The following PLPP4 variants were observed in gnomAD, a reference collection of about 807,000 sequenced individuals.
PLPP4 encodes phospholipid phosphatase 4, also known as diacylglycerol pyrophosphate like 2.
In PLPP4, 20 loss-of-function variants were observed where a neutral mutation model predicts 32.2. The ratio of observed to expected loss-of-function variants is 0.62; its 90% CI spans 0.44 to 0.90. The LOEUF is 0.90. PLPP4 is among the 40% of genes least tolerant of loss of function. The pLI is 0.00. For missense variants in PLPP4, 257 were observed against 353.1 expected (o/e 0.73, Z 2.18); for synonymous variants, 127 against 133.0 (o/e 0.95, Z 0.31).
intron 1 of PLPP4, among the ~76,000 whole-genome samples, chr10:120,459,311 C>T (rs1847936496): frequency 6.6e-6 from 1 of 152,148 alleles, no homozygotes; most frequent in Non-Finnish European, 1.5e-5. Context: ...AACAGTGTGT[C>T]CAACTTGTGG....
chr10:120,538,598 C>A (rs1460275198), intron 5 of PLPP4, among the ~76,000 whole-genome samples: 1 of 152,072 alleles, frequency 6.6e-6, no homozygotes, highest in African/African-American at 2.4e-5. Flanking sequence ...TGAGAGAAAA[C>A]CCAGGCCCTT....
intron 5 of PLPP4, among the ~76,000 whole-genome samples, chr10:120,535,641 A>T (rs893679851): frequency 2.0e-5 from 3 of 152,132 alleles, no homozygotes; most frequent in African/African-American, 7.2e-5. Flanking sequence ...TCATAGGCAC[A>T]TTCATATTTA....
chr10:120,532,817 T>C (rs978677789), intron 5 of PLPP4, among the ~76,000 whole-genome samples: 1 of 152,216 alleles, frequency 6.6e-6, no homozygotes, highest in Non-Finnish European at 1.5e-5. Context: ...TATTTTTTAT[T>C]GCTCAGTAAT....
intron 6 of PLPP4, among the ~76,000 whole-genome samples, chr10:120,587,903 T>G (rs1849835320): frequency 6.6e-6 from 1 of 152,222 alleles, no homozygotes; most frequent in South Asian, 2.1e-4. Context: ...CATTGCCTCC[T>G]ACCTGAATGC....
intron 1 of PLPP4, among the ~76,000 whole-genome samples, chr10:120,492,629 G>T (rs1427696777): frequency 1.3e-5 from 2 of 152,132 alleles, no homozygotes; most frequent in African/African-American, 2.4e-5. Flanking sequence ...CATATGCCTT[G>T]CCCAAATCAC....
At position 120,472,985 on chromosome 10, in the gene PLPP4, G is replaced by A. The variant is rs78462505; in HGVS notation, c.56+15624G>A. Among the ~76,000 whole-genome samples, 639 of 152,132 alleles carry A rather than the reference G, an allele frequency of 4.2e-3. 5 individuals are homozygous for A. Among genetic ancestry groups the A allele is most frequent in the African/African-American group, 0.015 (614 of 41,524 alleles). On this transcript the variant is annotated intron_variant, in intron 1 of 6. Coordinates refer to ENST00000398250, the MANE Select transcript of PLPP4 (RefSeq NM_001030059.3). ...TTTAGTTTCTCTGTTGAAGTTTTCC[G>A]TCTATTATCCATTGTGTTCATCTTT...
At chr10:120,461,424 T>C (rs1848042204) in intron 1 of PLPP4, among the ~76,000 whole-genome samples, 1 of 152,224 alleles carries the variant, frequency 6.6e-6, no homozygotes. Context: ...GTTTCACTTG[T>C]AGGCTTGAGT....
At chr10:120,554,365 C>A (rs1480054820) in intron 5 of PLPP4, among the ~76,000 whole-genome samples, 2 of 152,174 alleles carry the variant, frequency 1.3e-5, no homozygotes, top group Non-Finnish European at 2.9e-5. Context: ...ACTTTATTAT[C>A]CATATAACTA....
chr10:120,491,459 T>G (rs1019384730), intron 1 of PLPP4, among the ~76,000 whole-genome samples: 1 of 151,780 alleles, frequency 6.6e-6, no homozygotes, highest in African/African-American at 2.4e-5. Flanking sequence ...TCTTTCCAGT[T>G]CTCTTTCTTT....
intron 5 of PLPP4, among the ~76,000 whole-genome samples, chr10:120,539,999 T>TAAAAAAAAAA (rs11386207): frequency 7.0e-6 from 1 of 143,022 alleles, no homozygotes. Context: ...AGTAAACTTG[T>TAAAAAAAAAA]AAAAAAAAAA....
intron 5 of PLPP4, among the ~76,000 whole-genome samples, chr10:120,542,972 T>C (rs1257284431): frequency 2.6e-5 from 4 of 152,194 alleles, no homozygotes; most frequent in Admixed American, 6.5e-5. Context: ...AAATGTGTCA[T>C]AGGGACCATG....
chr10:120,545,687 G>A (rs1182285424), intron 5 of PLPP4, among the ~76,000 whole-genome samples: 1 of 152,186 alleles, frequency 6.6e-6, no homozygotes, highest in Non-Finnish European at 1.5e-5. Context: ...CTTAAAGGAA[G>A]GTTGGATAGG....
chr10:120,563,093 G>T (rs147443399), intron 5 of PLPP4, among the ~76,000 whole-genome samples: 6 of 152,252 alleles, frequency 3.9e-5, no homozygotes, highest in Admixed American at 3.9e-4. Flanking sequence ...ACAAAAATTA[G>T]CCAGGCATGT....
At chr10:120,512,989 A>G (rs1845792322) in intron 2 of PLPP4, among the ~76,000 whole-genome samples, 1 of 152,170 alleles carries the variant, frequency 6.6e-6, no homozygotes, top group Non-Finnish European at 1.5e-5. Flanking sequence ...CTGCTAGGCC[A>G]ATTCTGGATT....
intron 1 of PLPP4, among the ~76,000 whole-genome samples, chr10:120,475,871 G>C (rs1843878234): frequency 6.7e-6 from 1 of 148,508 alleles, no homozygotes; most frequent in Non-Finnish European, 1.5e-5. Flanking sequence ...CACCTTCTTT[G>C]TTCCAGGTTG....
At chr10:120,499,205 A>G (rs374059788) in intron 1 of PLPP4, among the ~76,000 whole-genome samples, 1 of 152,342 alleles carries the variant, frequency 6.6e-6, no homozygotes, top group Non-Finnish European at 1.5e-5. Context: ...ATATACTGAC[A>G]CTTGCAAGCT....
At chr10:120,586,448 G>C (rs1163831773) in intron 6 of PLPP4, among the ~76,000 whole-genome samples, 2 of 152,116 alleles carry the variant, frequency 1.3e-5, no homozygotes, top group African/African-American at 4.8e-5. Flanking sequence ...CACCTTGGTA[G>C]AGTCTCCAAA....
At chr10:120,537,482 A>G (rs1847083709) in intron 5 of PLPP4, among the ~76,000 whole-genome samples, 1 of 152,238 alleles carries the variant, frequency 6.6e-6, no homozygotes, top group Non-Finnish European at 1.5e-5. Flanking sequence ...TAGATGTGAA[A>G]TCTAAAAAAG....
chr10:120,583,903 CACAGAGTGCA>C (rs1437891300), intron 6 of PLPP4, among the ~76,000 whole-genome samples: 1 of 152,130 alleles, frequency 6.6e-6, no homozygotes, highest in Non-Finnish European at 1.5e-5. Context: ...GGTGTGAGGC[CACAGAGTGCA>C]TAGATGGCAG....
Sources: gnomAD v4.1 joint callset for allele counts (sites outside exome capture counted in the v4.1 genomes callset) on GRCh38, gnomAD v4.1.1 for gene constraint, MANE v1.5 for transcripts, NCBI Gene and HGNC (gene_info 2026-07-23, HGNC 2026-07-21) for gene names.